DHX34: variants seen among roughly 807,000 people sequenced by gnomAD.
DHX34 encodes the protein probable ATP-dependent RNA helicase DHX34.
A neutral mutation model predicts 111.1 loss-of-function variants in DHX34; 96 were observed. The ratio of observed to expected loss-of-function variants is 0.86; its 90% CI spans 0.73 to 1.02. The LOEUF (loss-of-function observed/expected upper bound fraction) is 1.02. DHX34 is among the 50% of genes least tolerant of loss of function. The pLI is 0.00. For synonymous variants in DHX34, 688 were observed against 670.4 expected (o/e 1.03, Z -0.41); for missense variants, 1,560 against 1,579.9 (o/e 0.99, Z 0.21).
At chr19:47,367,642 C>T (rs866427312) in intron 7 of DHX34, among the ~76,000 whole-genome samples, 1 of 152,122 alleles carries the variant, frequency 6.6e-6, no homozygotes, top group Non-Finnish European at 1.5e-5. Flanking sequence ...GTAATCCCAG[C>T]ACTTTGGGAG....
At chr19:47,368,639 TACACACACACAC>T (rs533434183) in intron 7 of DHX34, among the ~76,000 whole-genome samples, 3 of 145,702 alleles carry the variant, frequency 2.1e-5, no homozygotes, top group African/African-American at 5.0e-5. Flanking sequence ...TGTATATATA[TACACACACACAC>T]ACACACACAC....
In DHX34 at chr19:47,360,190, C is replaced by T. The variant is rs1969586821; in HGVS notation, c.1375+120C>T. On this transcript the variant is annotated intron_variant, in intron 5 of 16. Transcript: ENST00000328771. Reference sequence around the variant, plus strand: ...GATTGGGAAGTACAGTTGACTTTCCCATATCCAAAATGCTTGCTTGCAACC... The same window carrying T: ...GATTGGGAAGTACAGTTGACTTTCCTATATCCAAAATGCTTGCTTGCAACC... The T allele has an allele frequency of 3.4e-6, 3 of 874,994 alleles. No homozygotes were observed. The African/African-American group carries it at 5.0e-5, about 15-fold the overall frequency. 54.2% of individuals were successfully genotyped at this position (874,994 alleles called of 1,614,324 possible). A position where few individuals can be genotyped will look rare whatever the true frequency, so the allele number is the denominator to read the frequency against.
intron 16 of DHX34, 109 bp downstream of exon 16, chr19:47,381,433 C>G (rs1005612069): frequency 2.1e-6 from 3 of 1,445,910 alleles, no homozygotes; most frequent in Non-Finnish European, 1.8e-6. Context: ...GACTGACGAC[C>G]TCCACCCGCT....
In DHX34 at chr19:47,358,101, CTG is replaced by C. The variant is rs1447069144; in HGVS notation, c.1256_1257del (p.Val419GlyfsTer8). The C allele has an allele frequency of 6.2e-7, 1 of 1,608,596 alleles. No individual in the cohort carries two copies. The highest frequency in any genetic ancestry group is 1.7e-5 in the Admixed American group (1 of 59,950). Reference sequence around the variant, plus strand: ...GTACTGCCACTGCACAGCGCCCTGTCTGTGGCCGACCAGGACAAGGTATCACA... The same window carrying C: ...GTACTGCCACTGCACAGCGCCCTGTCTGGCCGACCAGGACAAGGTATCACA... On this transcript the variant is annotated frameshift_variant, in exon 4 of 17. Coordinates refer to ENST00000328771, the MANE Select transcript of DHX34 (RefSeq NM_014681.6). LOFTEE classifies it high-confidence loss of function.
Position 47,372,883 on chromosome 19 carries a change from A to AC in DHX34, c.1926dup (p.Phe643LeufsTer16), listed in dbSNP as rs1206000258. On this transcript the variant is annotated frameshift_variant, in exon 8 of 17. Transcript: ENST00000328771. LOFTEE classifies it high-confidence loss of function. The stretch of plus-strand genomic sequence containing the variant: ...CGGCCGCTGGAGAGCGACCAGGGTG[A>AC]CCCCTTCACGCTCTTCAACGTCTTC... The AC allele has an allele frequency of 1.9e-6, 3 of 1,608,508 alleles. No individual in the cohort carries two copies. The African/African-American group carries it at 4.0e-5, about 21-fold the overall frequency.
intron 9 of DHX34, 99 bp downstream of exon 9, chr19:47,373,799 C>A (rs1161726523): frequency 9.1e-6 from 13 of 1,433,856 alleles, no homozygotes; most frequent in Non-Finnish European, 1.2e-5. Flanking sequence ...GTGGTCAGAC[C>A]AGAATCCCAC....
intron 14 of DHX34, among the ~76,000 whole-genome samples, chr19:47,380,296 G>A (rs1313949417): frequency 6.6e-6 from 1 of 152,150 alleles, no homozygotes; most frequent in Non-Finnish European, 1.5e-5. Context: ...GAGGGAAGCC[G>A]TAGACGTCTG....
chr19:47,376,599 T>G, intron 12 of DHX34, 39 bp downstream of exon 12: 2 of 1,544,486 alleles, frequency 1.3e-6, no homozygotes, highest in Non-Finnish European at 1.7e-6. Context: ...CCATCCGGGA[T>G]GTGAGGGGCA....
chr19:47,356,953 G>T (rs1193317755), intron 3 of DHX34, among the ~76,000 whole-genome samples: 1 of 152,108 alleles, frequency 6.6e-6, no homozygotes, highest in African/African-American at 2.4e-5. Context: ...AAAGAATGAG[G>T]CTGCTTCCTG....
Position 47,359,961 on chromosome 19 carries a change from C to T in DHX34, c.1273-7C>T. 1 of 1,614,066 alleles carries T rather than the reference C, an allele frequency of 6.2e-7. No individual in the cohort carries two copies. Among genetic ancestry groups the T allele is most frequent in the Non-Finnish European group, 8.5e-7 (1 of 1,179,972 alleles). On this transcript the variant is annotated splice_region_variant and splice_polypyrimidine_tract_variant and intron_variant, in intron 4 of 16. Transcript: ENST00000328771. ...GTTCCTGACACCACCCCCTCCCTTCCTCCCAGGTATTTGATGTGGCACCCC... is the reference window on the plus strand; with the variant it reads ...GTTCCTGACACCACCCCCTCCCTTCTTCCCAGGTATTTGATGTGGCACCCC...
chr19:47,355,428 C>G, intron 3 of DHX34, 78 bp downstream of exon 3: 2 of 1,539,406 alleles, frequency 1.3e-6, no homozygotes, highest in Non-Finnish European at 1.8e-6. Flanking sequence ...CCTCTTCTCT[C>G]TGCTGCTGTA....
intron 8 of DHX34, among the ~76,000 whole-genome samples, chr19:47,373,239 C>A (rs1014466586): frequency 1.3e-5 from 2 of 151,966 alleles, no homozygotes; most frequent in African/African-American, 4.8e-5. Context: ...GAGTCCTCAC[C>A]CTAACCCTGG....
chr19:47,378,680 T>C (rs984138609), intron 13 of DHX34, among the ~76,000 whole-genome samples: 1 of 151,906 alleles, frequency 6.6e-6, no homozygotes, highest in Non-Finnish European at 1.5e-5. Flanking sequence ...CAAAAAATTT[T>C]AAAAAGTTAG....
chr19:47,356,642 G>GA (rs1969465826), intron 3 of DHX34, among the ~76,000 whole-genome samples: 1 of 149,870 alleles, frequency 6.7e-6, no homozygotes, highest in African/African-American at 2.5e-5. Flanking sequence ...AAAAAAAAAA[G>GA]AAAGAAAAGA....
chr19:47,376,872 G>A, intron 12 of DHX34: 1 of 1,532,886 alleles, frequency 6.5e-7, no homozygotes, highest in Non-Finnish European at 8.7e-7. Context: ...GCAGAGGGAG[G>A]CCCCCCTGGC....
rs763779275 is a variant in DHX34, at chr19:47,376,453, C to T, written c.2492C>T (p.Thr831Met). ...SRKDSDQIFHTQAKQGAVLHP... is the reference protein window; with the variant it reads ...SRKDSDQIFHMQAKQGAVLHP... Reference sequence around the variant, plus strand: ...CTCTGTCCTCCGCAGATTTTCCACACGCAGGCCAAGCAGGGCGCCGTGCTG... The same window carrying T: ...CTCTGTCCTCCGCAGATTTTCCACATGCAGGCCAAGCAGGGCGCCGTGCTG... Residue 831 changes from threonine (T) to methionine (M), a missense_variant, in exon 12 of 17, where the codon ACG becomes ATG. Physicochemically the swap from Thr to Met is moderately conservative, Grantham distance 81. Transcript: ENST00000328771. 2.3e-5 allele frequency: 37 copies of T among 1,611,450 alleles called. No homozygotes were observed. Among genetic ancestry groups the T allele is most frequent in the Non-Finnish European group, 3.1e-5 (36 of 1,179,132 alleles).
intron 13 of DHX34, 65 bp downstream of exon 13, chr19:47,377,271 G>GT: frequency 1.3e-6 from 2 of 1,529,870 alleles, no homozygotes; most frequent in Non-Finnish European, 1.8e-6. Flanking sequence ...AGGGTGGTGG[G>GT]TGGGGGCACC....
chr19:47,373,067 G>T, intron 8 of DHX34, 144 bp downstream of exon 8: 7 of 1,138,488 alleles, frequency 6.1e-6, no homozygotes, highest in Non-Finnish European at 7.2e-6. Context: ...TGCCTGGGGA[G>T]GGCCATGTCT....
Position 47,378,144 on chromosome 19 carries a change from C to T in DHX34, c.2706+938C>T, listed in dbSNP as rs532755876. On this transcript the variant is annotated intron_variant, in intron 13 of 16. Transcript: ENST00000328771. The stretch of plus-strand genomic sequence containing the variant: ...ACTCCCCGGCTTGGGTCCCAGGGAA[C>T]GTGGAGGGGAGAGAGGAACCTGCAG... Among the ~76,000 whole-genome samples the T allele has an allele frequency of 2.2e-3, 331 of 152,236 alleles. 1 individual carries two copies. The highest frequency in any genetic ancestry group is 3.0e-3 in the Non-Finnish European group (207 of 68,022).
Sources: allele counts gnomAD v4.1 joint callset (sites outside exome capture counted in the v4.1 genomes callset), GRCh38; gene constraint gnomAD v4.1.1; transcripts MANE v1.5; gene names NCBI Gene and HGNC (gene_info 2026-07-23, HGNC 2026-07-21).